The following C3orf52 variants were observed in gnomAD, a reference collection of about 807,000 sequenced individuals.
C3orf52 encodes the protein chromosome 3 open reading frame 52, also known as TPA-induced transmembrane protein.
In C3orf52, 22 loss-of-function variants were observed where a neutral mutation model predicts 24.8. That is an observed-to-expected ratio of 0.89 (90% CI 0.63 to 1.27). C3orf52 has a LOEUF of 1.27. C3orf52 is among the 50% of genes most tolerant of loss of function. The pLI is 0.00. For missense variants in C3orf52, 265 were observed against 260.7 expected (o/e 1.02, Z -0.11); for synonymous variants, 93 against 100.2 (o/e 0.93, Z 0.43).
At chr3:112,103,380 A>T (rs1229960859) in intron 3 of C3orf52, among the ~76,000 whole-genome samples, 1 of 152,218 alleles carries the variant, frequency 6.6e-6, no homozygotes, top group Non-Finnish European at 1.5e-5. Flanking sequence ...AAACTTTGTT[A>T]AAAAAATAAG....
At position 112,109,628 on chromosome 3, in the gene C3orf52, C is replaced by G; in HGVS notation, c.467+15C>G. ...GTGGACTTCAGGTAAGAGTGTGGAA[C>G]ATTACATTTTGCTCTCTTTCTCTGG... is the stretch of plus-strand genomic sequence containing the variant. On this transcript the variant is annotated intron_variant, in intron 4 of 5. Coordinates refer to ENST00000264848, the MANE Select transcript of C3orf52 (RefSeq NM_024616.3). The G allele has an allele frequency of 1.3e-6, 2 of 1,533,434 alleles. No homozygotes were observed. The highest frequency in any genetic ancestry group is 1.8e-6 in the Non-Finnish European group (2 of 1,109,406). 95.0% of individuals were successfully genotyped at this position (1,533,434 alleles called of 1,614,324 possible).
downstream of C3orf52, chr3:112,132,679 A>C (rs2074485696): frequency 7.1e-6 from 7 of 987,524 alleles, no homozygotes; most frequent in South Asian, 2.8e-4. Context: ...TCAAGGTGGC[A>C]GGAAGCTTGC....
At position 112,117,007 on chromosome 3, in the gene C3orf52, C is replaced by T. The variant is rs542541803; in HGVS notation, c.*361C>T. 46 of 1,334,530 alleles carry T rather than the reference C, an allele frequency of 3.4e-5. No homozygotes were observed. The highest frequency in any genetic ancestry group is 3.0e-4 in the African/African-American group (21 of 68,916). The allele number at this position is 1,334,530 out of a possible 1,614,324, so 82.7% of individuals were successfully genotyped here. On this transcript the variant is annotated 3_prime_UTR_variant, in exon 6 of 6. Coordinates refer to ENST00000264848, the MANE Select transcript of C3orf52 (RefSeq NM_024616.3). ...CTCGTTCTGTCGCTTAGCTGGAGTG[C>T]GGTGGCGTGATCATGGCACTGCTAT...
chr3:112,109,839 A>T (rs1214903843), intron 4 of C3orf52: 9 of 422,562 alleles, frequency 2.1e-5, no homozygotes, highest in Non-Finnish European at 3.4e-5. Flanking sequence ...GTATAATTCA[A>T]CCAGGGTCAC....
chr3:112,096,033 T>G (rs1307916129), intron 2 of C3orf52, among the ~76,000 whole-genome samples: 1 of 152,200 alleles, frequency 6.6e-6, no homozygotes, highest in Non-Finnish European at 1.5e-5. Context: ...TGTGGCTGTC[T>G]GGATTTACTG....
Position 112,099,517 on chromosome 3 carries a change from C to T in C3orf52, c.269-3321C>T, listed in dbSNP as rs140637132. ...ATGTAAAGGATTTCGGAATCTGAGTCTATAAATATACCTTGACCCTAATAC... is the reference window on the plus strand; with the variant it reads ...ATGTAAAGGATTTCGGAATCTGAGTTTATAAATATACCTTGACCCTAATAC... On this transcript the variant is annotated intron_variant, in intron 2 of 5. Coordinates refer to ENST00000264848, the MANE Select transcript of C3orf52 (RefSeq NM_024616.3). 1.6e-3 allele frequency among the ~76,000 whole-genome samples: 247 copies of T among 152,318 alleles called. 1 individual carries two copies. Among genetic ancestry groups the T allele is most frequent in the African/African-American group, 5.3e-3 (220 of 41,562 alleles).
chr3:112,124,225 G>T (rs979654359), intron 4 of C3orf52, among the ~76,000 whole-genome samples: 1 of 152,228 alleles, frequency 6.6e-6, no homozygotes, highest in African/African-American at 2.4e-5. Flanking sequence ...ACCCAGCTTT[G>T]CATATTCCTT....
At chr3:112,114,922 A>G (rs553128372) in intron 5 of C3orf52, among the ~76,000 whole-genome samples, 7 of 152,262 alleles carry the variant, frequency 4.6e-5, no homozygotes, top group African/African-American at 1.7e-4. Flanking sequence ...ATAGTACAGG[A>G]TAAAGGGCAG....
In C3orf52 at chr3:112,093,407, A is replaced by C. The variant is rs1266925359; in HGVS notation, c.186A>C (p.Gly62=). Residue 62 remains glycine (G), a synonymous_variant, in exon 2 of 6, where the codon GGA becomes GGC. Coordinates refer to ENST00000264848, the MANE Select transcript of C3orf52 (RefSeq NM_024616.3). ...GCTCCTGTAATAAGAATGTGGTTGG[A>C]AGATGCAAACTGTGGATGATCATCA... ...PWSSCNKNVV[G]RCKLWMIITS... 6.2e-7 allele frequency: 1 copy of C among 1,613,972 alleles called. No homozygotes were observed. The highest frequency in any genetic ancestry group is 1.1e-5 in the South Asian group (1 of 91,084).
downstream of C3orf52, chr3:112,133,367 A>C (rs2074505025): frequency 2.3e-6 from 1 of 441,744 alleles, no homozygotes; most frequent in Non-Finnish European, 4.1e-6. Flanking sequence ...GTTGGCCATA[A>C]CCAGCAACTA....
chr3:112,093,631 G>T, intron 2 of C3orf52, 142 bp downstream of exon 2: 1 of 753,172 alleles, frequency 1.3e-6, no homozygotes. Context: ...TATATTGTAT[G>T]GGTGGGAGAT....
At chr3:112,123,904 T>C in intron 4 of C3orf52, 1 of 924,704 alleles carries the variant, frequency 1.1e-6, no homozygotes, top group South Asian at 1.7e-5. Context: ...TCTTGGCCAT[T>C]TTTTTCTAAA....
chr3:112,118,262 T>G (rs2074156851), downstream of C3orf52: 1 of 152,218 alleles, frequency 6.6e-6, no homozygotes, highest in South Asian at 2.1e-4. Context: ...GTTTGTTTGT[T>G]TTTTGCAGTA....
At chr3:112,104,819 C>G (rs1369206119) in intron 3 of C3orf52, among the ~76,000 whole-genome samples, 1 of 152,078 alleles carries the variant, frequency 6.6e-6, no homozygotes, top group East Asian at 1.9e-4. Context: ...TCCTTGAAGT[C>G]TCTTCATTTA....
exon 5 of C3orf52, chr3:112,128,666 G>C (rs955846205): frequency 1.4e-4 from 25 of 175,228 alleles, no homozygotes; most frequent in African/African-American, 5.3e-4. Context: ...GAATAGCCAA[G>C]GACAGGACAA....
intron 1 of C3orf52, among the ~76,000 whole-genome samples, chr3:112,088,661 TTCTA>T (rs148242711): frequency 0.024 from 3,653 of 151,950 alleles, 137 homozygotes; most frequent in African/African-American, 0.082. Flanking sequence ...TGTTGATTTA[TTCTA>T]TCTATCTATC....
At chr3:112,104,604 A>G (rs902309241) in intron 3 of C3orf52, among the ~76,000 whole-genome samples, 6 of 151,776 alleles carry the variant, frequency 4.0e-5, no homozygotes, top group Admixed American at 2.6e-4. Context: ...TTATATCTTT[A>G]AATTTTTTTT....
chr3:112,125,242 G>T, intron 4 of C3orf52: 1 of 1,580,978 alleles, frequency 6.3e-7, no homozygotes, highest in Non-Finnish European at 8.7e-7. Context: ...GGGAGTAGAT[G>T]ACATTCTTTC....
intron 3 of C3orf52, among the ~76,000 whole-genome samples, chr3:112,106,195 T>G (rs2074021683): frequency 6.6e-6 from 1 of 152,156 alleles, no homozygotes; most frequent in South Asian, 2.1e-4. Context: ...TTAGCTTGCT[T>G]TCCAGCCTCT....
Sources: allele counts gnomAD v4.1 joint callset (sites outside exome capture counted in the v4.1 genomes callset), GRCh38; gene constraint gnomAD v4.1.1; transcripts MANE v1.5; gene names NCBI Gene and HGNC (gene_info 2026-07-23, HGNC 2026-07-21).